ATG10: variants seen among roughly 807,000 people sequenced by gnomAD.
The protein encoded by ATG10 is ubiquitin-like-conjugating enzyme ATG10.
Under a neutral mutation model 32.1 loss-of-function variants are expected in ATG10, and 30 were observed. The ratio of observed to expected loss-of-function variants is 0.94; its 90% confidence interval spans 0.70 to 1.27. The LOEUF (loss-of-function observed/expected upper bound fraction) is 1.27. ATG10 is among the 50% of genes most tolerant of loss of function. The pLI is 0.00. For synonymous variants in ATG10, 87 were observed against 91.5 expected (o/e 0.95, Z 0.28); for missense variants, 233 against 262.3 (o/e 0.89, Z 0.77).
At chr5:82,123,163 A>AT (rs1766117150) in intron 3 of ATG10, among the ~76,000 whole-genome samples, 1 of 151,922 alleles carries the variant, frequency 6.6e-6, no homozygotes, top group Non-Finnish European at 1.5e-5. Context: ...TATACACCAT[A>AT]GAATACTATG....
chr5:82,213,798 A>C (rs956302310), intron 5 of ATG10, among the ~76,000 whole-genome samples: 6 of 152,146 alleles, frequency 3.9e-5, no homozygotes, highest in African/African-American at 1.4e-4. Flanking sequence ...AGTACTCCAG[A>C]ATTCTCTGCC....
At chr5:82,093,201 C>T (rs2149794751) in intron 3 of ATG10, among the ~76,000 whole-genome samples, 1 of 152,274 alleles carries the variant, frequency 6.6e-6, no homozygotes, top group Middle Eastern at 3.4e-3. Flanking sequence ...ATATTTATCT[C>T]TCTCCCCATT....
intron 3 of ATG10, among the ~76,000 whole-genome samples, chr5:82,144,711 C>A (rs1003362800): frequency 1.5e-5 from 2 of 132,582 alleles, no homozygotes; most frequent in East Asian, 7.9e-4. Flanking sequence ...TTTAAGATGT[C>A]TTTTATTGTC....
At chr5:82,216,999 G>C (rs1325936847) in intron 5 of ATG10, among the ~76,000 whole-genome samples, 2 of 151,420 alleles carry the variant, frequency 1.3e-5, no homozygotes, top group Admixed American at 1.3e-4. Flanking sequence ...AGGTTGCAGT[G>C]AGCCGAGATT....
intron 2 of ATG10, among the ~76,000 whole-genome samples, chr5:81,993,316 TTTCTTTCTTTCC>T (rs1761520189): frequency 8.7e-6 from 1 of 114,802 alleles, no homozygotes; most frequent in African/African-American, 3.7e-5. Context: ...CTTTCCTTTC[TTTCTTTCTTTCC>T]TTCCTTCCTT....
At chr5:82,029,738 T>G (rs1297191072) in intron 2 of ATG10, among the ~76,000 whole-genome samples, 1 of 152,180 alleles carries the variant, frequency 6.6e-6, no homozygotes, top group Non-Finnish European at 1.5e-5. Context: ...GAGAAATAAA[T>G]TATACTAACA....
At chr5:81,987,998 C>T (rs1045020342) in intron 2 of ATG10, among the ~76,000 whole-genome samples, 1 of 152,124 alleles carries the variant, frequency 6.6e-6, no homozygotes, top group Non-Finnish European at 1.5e-5. Flanking sequence ...AATCATCAAT[C>T]CTAAGTTAAT....
At chr5:82,082,941 A>T (rs896352631) in intron 3 of ATG10, among the ~76,000 whole-genome samples, 9 of 152,206 alleles carry the variant, frequency 5.9e-5, no homozygotes, top group Non-Finnish European at 1.0e-4. Context: ...GACACAGAAG[A>T]TGGGTGATTT....
At chr5:82,058,641 T>C (rs775838818) in intron 3 of ATG10, 39 bp downstream of exon 3, 1 of 1,371,874 alleles carries the variant, frequency 7.3e-7, no homozygotes, top group Non-Finnish European at 1.0e-6. Context: ...TCAGTCTCCG[T>C]AAAGTATACA....
chr5:82,124,072 G>A (rs574367836), intron 3 of ATG10, among the ~76,000 whole-genome samples: 1 of 147,740 alleles, frequency 6.8e-6, no homozygotes, highest in East Asian at 1.9e-4. Flanking sequence ...TATATTCCAT[G>A]GATTTTTTTT....
At chr5:82,205,710 G>A (rs1260196804) in intron 5 of ATG10, among the ~76,000 whole-genome samples, 1 of 152,198 alleles carries the variant, frequency 6.6e-6, no homozygotes, top group African/African-American at 2.4e-5. Flanking sequence ...CTTTCCATGG[G>A]GAGATGGAAG....
intron 3 of ATG10, among the ~76,000 whole-genome samples, chr5:82,139,717 G>T (rs1469278519): frequency 7.6e-5 from 11 of 144,486 alleles, no homozygotes; most frequent in Admixed American, 4.7e-4. Context: ...AGGTGGGGGG[G>T]GGTCAGCCCC....
At chr5:82,200,979 G>A (rs1052538880) in intron 5 of ATG10, among the ~76,000 whole-genome samples, 3 of 151,524 alleles carry the variant, frequency 2.0e-5, no homozygotes, top group African/African-American at 7.3e-5. Context: ...CTGCTCCCCG[G>A]GCTCAAGCAA....
chr5:82,096,909 A>G (rs752116121), intron 3 of ATG10, among the ~76,000 whole-genome samples: 11 of 152,094 alleles, frequency 7.2e-5, no homozygotes, highest in Non-Finnish European at 1.2e-4. Flanking sequence ...AATTACTTTC[A>G]TATTATTATA....
Position 82,104,603 on chromosome 5 carries a change from G to A in ATG10, c.216+46001G>A, listed in dbSNP as rs1010293904. Among the ~76,000 whole-genome samples the A allele has an allele frequency of 1.1e-4, 17 of 152,126 alleles. No homozygotes were observed. In the East Asian group the frequency reaches 3.1e-3, roughly 28 times the overall value. Reference sequence around the variant, plus strand: ...ACTGACCAGATTCTGTACTGGTTTTGGTTGTCATATTGGGATTAGCTGAAG... The same window carrying A: ...ACTGACCAGATTCTGTACTGGTTTTAGTTGTCATATTGGGATTAGCTGAAG... On this transcript the variant is annotated intron_variant, in intron 3 of 7. Coordinates refer to ENST00000282185, the MANE Select transcript of ATG10 (RefSeq NM_031482.5).
At chr5:82,112,097 T>G (rs1835112) in intron 3 of ATG10, among the ~76,000 whole-genome samples, 26,354 of 151,816 alleles carry the variant, frequency 0.17, 2,935 homozygotes, top group East Asian at 0.38. Context: ...ATATGTTGGG[T>G]TAAATAAACA....
At chr5:81,981,498 A>T (rs1276000468) in intron 1 of ATG10, among the ~76,000 whole-genome samples, 1 of 152,068 alleles carries the variant, frequency 6.6e-6, no homozygotes, top group African/African-American at 2.4e-5. Flanking sequence ...CTCCTACCTG[A>T]TAGTGCATGT....
At chr5:82,191,239 G>C (rs1424707349) in intron 5 of ATG10, among the ~76,000 whole-genome samples, 1 of 152,194 alleles carries the variant, frequency 6.6e-6, no homozygotes, top group Admixed American at 6.5e-5. Context: ...TCTTGCAATT[G>C]ATTGGCACAT....
At chr5:82,230,732 C>CAAAAAAAAAAAAAAAAA (rs397881697) in intron 5 of ATG10, among the ~76,000 whole-genome samples, 1 of 58,804 alleles carries the variant, frequency 1.7e-5, no homozygotes, top group Non-Finnish European at 3.1e-5. Context: ...GACTCCGTCT[C>CAAAAAAAAAAAAAAAAA]AAAAAAAAAA....
Sources: allele counts gnomAD v4.1 joint callset (sites outside exome capture counted in the v4.1 genomes callset), GRCh38; gene constraint gnomAD v4.1.1; transcripts MANE v1.5; gene names NCBI Gene and HGNC (gene_info 2026-07-23, HGNC 2026-07-21).